CCDC178: variants seen among roughly 807,000 people sequenced by gnomAD.
The protein encoded by CCDC178 is coiled-coil domain-containing protein 178.
A neutral mutation model predicts 117.4 loss-of-function variants in CCDC178; 126 were observed. The observed-to-expected ratio is 1.07, with a 90% CI of 0.93 to 1.24. The LOEUF (loss-of-function observed/expected upper bound fraction) is 1.24, where lower values mean the gene tolerates loss of function less well. Among genes scored for constraint, CCDC178 ranks in the 50% most tolerant of loss-of-function variants. CCDC178 has a pLI of 0.00. For missense variants in CCDC178, 1,030 were observed against 986.9 expected (o/e 1.04, Z -0.59); for synonymous variants, 283 against 313.4 (o/e 0.90, Z 1.02).
chr18:32,979,398 A>T (rs1051162381), intron 21 of CCDC178, among the ~76,000 whole-genome samples: 2 of 152,108 alleles, frequency 1.3e-5, no homozygotes, highest in Non-Finnish European at 2.9e-5. Context: ...ACCTCAGGTG[A>T]TCTGCCCTCC....
chr18:33,379,998 A>G (rs1241964065), intron 5 of CCDC178, among the ~76,000 whole-genome samples: 1 of 152,148 alleles, frequency 6.6e-6, no homozygotes. Flanking sequence ...ATGTATATCT[A>G]TAAAGAGAAG....
chr18:33,102,681 G>A (rs1225858539), intron 20 of CCDC178, among the ~76,000 whole-genome samples: 6 of 151,632 alleles, frequency 4.0e-5, no homozygotes, highest in Non-Finnish European at 5.9e-5. Flanking sequence ...ACCTTGCAAC[G>A]TATCCCAAGC....
At chr18:33,396,453 C>T (rs1449006591) in intron 4 of CCDC178, among the ~76,000 whole-genome samples, 2 of 151,900 alleles carry the variant, frequency 1.3e-5, no homozygotes, top group Non-Finnish European at 2.9e-5. Flanking sequence ...ATAGGTATGC[C>T]TTAGAGAAAC....
intron 11 of CCDC178, among the ~76,000 whole-genome samples, chr18:33,310,238 T>C (rs898071233): frequency 6.6e-6 from 1 of 152,044 alleles, no homozygotes; most frequent in African/African-American, 2.4e-5. Context: ...GGATTACAGG[T>C]GTGCACCACG....
chr18:33,179,059 T>TAAAA (rs757037955), intron 20 of CCDC178, among the ~76,000 whole-genome samples: 337 of 14,720 alleles, frequency 0.023, 61 homozygotes, highest in Non-Finnish European at 0.027. Context: ...AAGCACTCAG[T>TAAAA]AAAAAAAAAA....
chr18:33,062,166 C>A (rs1452685152), intron 21 of CCDC178, among the ~76,000 whole-genome samples: 1 of 152,074 alleles, frequency 6.6e-6, no homozygotes, highest in Non-Finnish European at 1.5e-5. Flanking sequence ...ATCTTTTCAT[C>A]TTATTTCTTC....
At chr18:33,058,119 C>T (rs928569632) in intron 21 of CCDC178, among the ~76,000 whole-genome samples, 1 of 152,036 alleles carries the variant, frequency 6.6e-6, no homozygotes. Flanking sequence ...AGAGAGCTAC[C>T]ATATGACCTG....
intron 14 of CCDC178, among the ~76,000 whole-genome samples, chr18:33,249,941 C>T (rs1365923892): frequency 2.0e-5 from 3 of 151,914 alleles, no homozygotes; most frequent in African/African-American, 7.2e-5. Flanking sequence ...TCTTTTATTT[C>T]ATTGAGCAGT....
At chr18:33,026,141 T>C (rs1276876490) in intron 21 of CCDC178, among the ~76,000 whole-genome samples, 3 of 152,162 alleles carry the variant, frequency 2.0e-5, no homozygotes, top group African/African-American at 7.2e-5. Flanking sequence ...CCCATTTATA[T>C]GACATTCTTG....
At chr18:33,121,720 C>T (rs980137429) in intron 20 of CCDC178, among the ~76,000 whole-genome samples, 4 of 152,058 alleles carry the variant, frequency 2.6e-5, no homozygotes, top group African/African-American at 7.2e-5. Flanking sequence ...ATCACTTAAC[C>T]TCTCTGAACT....
intron 21 of CCDC178, among the ~76,000 whole-genome samples, chr18:33,071,545 A>G (rs1488299374): frequency 6.6e-6 from 1 of 152,120 alleles, no homozygotes; most frequent in African/African-American, 2.4e-5. Context: ...TGCCAGACCC[A>G]TTAAACAGTG....
chr18:33,232,708 A>C (rs1290589926), intron 15 of CCDC178, among the ~76,000 whole-genome samples: 2 of 152,142 alleles, frequency 1.3e-5, no homozygotes, highest in Non-Finnish European at 2.9e-5. Context: ...GTTTCTGGTG[A>C]AATATTTTAA....
At chr18:33,373,651 T>C (rs1329394175) in intron 5 of CCDC178, among the ~76,000 whole-genome samples, 2 of 152,148 alleles carry the variant, frequency 1.3e-5, no homozygotes, top group Non-Finnish European at 2.9e-5. Flanking sequence ...TTTATAAGAA[T>C]GGATCACATT....
At chr18:33,197,815 T>G (rs1289532280) in intron 20 of CCDC178, among the ~76,000 whole-genome samples, 1 of 152,194 alleles carries the variant, frequency 6.6e-6, no homozygotes, top group East Asian at 1.9e-4. Flanking sequence ...GCTTTGTACA[T>G]TCATTGTCTT....
intron 22 of CCDC178, among the ~76,000 whole-genome samples, chr18:32,964,885 A>G (rs1010248790): frequency 6.6e-6 from 1 of 151,986 alleles, no homozygotes. Flanking sequence ...GTATTTCAGC[A>G]TCTTTCCTGT....
chr18:32,974,891 G>C (rs138659028), intron 21 of CCDC178, among the ~76,000 whole-genome samples: 9 of 152,104 alleles, frequency 5.9e-5, no homozygotes, highest in Non-Finnish European at 1.0e-4. Context: ...CCGCCAGGAT[G>C]GGGGGTTAAT....
rs113412115 is a variant in CCDC178, at chr18:33,414,499, G to A, written c.-22-2389C>T. Among the ~76,000 whole-genome samples the A allele has an allele frequency of 2.4e-3, 372 of 152,250 alleles. 2 individuals are homozygous for A. Among genetic ancestry groups the A allele is most frequent in the African/African-American group, 8.6e-3 (358 of 41,558 alleles). ...TGCTGGGAAAACTGGCTAGCCACAG[G>A]TAGAAAGCTGAAACTGGATCCCTTC... On this transcript the variant is annotated intron_variant, in intron 2 of 22. Transcript: ENST00000383096.
chr18:33,010,873 T>C (rs1320345337), intron 21 of CCDC178, among the ~76,000 whole-genome samples: 1 of 152,196 alleles, frequency 6.6e-6, no homozygotes, highest in Non-Finnish European at 1.5e-5. Flanking sequence ...AATTCCTTTC[T>C]TGCTCTTCAA....
At chr18:33,217,801 G>T (rs1028703402) in intron 18 of CCDC178, among the ~76,000 whole-genome samples, 1 of 151,962 alleles carries the variant, frequency 6.6e-6, no homozygotes, top group Admixed American at 6.6e-5. Context: ...TGGGTGACAT[G>T]ACCAATACAA....
Sources: allele counts gnomAD v4.1 joint callset (sites outside exome capture counted in the v4.1 genomes callset), GRCh38; gene constraint gnomAD v4.1.1; transcripts MANE v1.5; gene names NCBI Gene and HGNC (gene_info 2026-07-23, HGNC 2026-07-21).